The following CATSPERB variants were observed in gnomAD, a reference collection of about 807,000 sequenced individuals.
CATSPERB encodes the protein catsper channel auxiliary subunit beta.
Under a neutral mutation model 128.3 loss-of-function variants are expected in CATSPERB, and 93 were observed. The observed-to-expected ratio is 0.72, with a 90% CI of 0.61 to 0.86. The LOEUF (loss-of-function observed/expected upper bound fraction) is 0.86. CATSPERB is among the 40% of genes least tolerant of loss of function. CATSPERB has a pLI of 0.00. For synonymous variants in CATSPERB, 381 were observed against 448.8 expected (o/e 0.85, Z 1.91); for missense variants, 1,153 against 1,329.5 (o/e 0.87, Z 2.06).
intron 20 of CATSPERB, 87 bp from the exon 21 acceptor site, chr14:91,610,764 C>T: frequency 2.5e-6 from 3 of 1,213,124 alleles, no homozygotes; most frequent in South Asian, 1.4e-5. Context: ...GTTGAAACCC[C>T]AACCTCCAGT....
rs1020716986 is a variant in CATSPERB at position 91,685,652 on chromosome 14, T to C, written c.865-1709A>G. Among the ~76,000 whole-genome samples the C allele has an allele frequency of 2.0e-5, 3 of 152,276 alleles. No individual in the cohort carries two copies. The East Asian group carries it at 5.8e-4, about 29-fold the overall frequency. ...TTGGAGCATGCACAGGAGGAGCACC[T>C]TGGTGGTCAGGGAGGGATTTCTGAA... On this transcript the variant is annotated intron_variant, in intron 10 of 26. Coordinates refer to ENST00000256343, the MANE Select transcript of CATSPERB (RefSeq NM_024764.4).
chr14:91,593,912 CT>C (rs398118515), intron 22 of CATSPERB, among the ~76,000 whole-genome samples: 86 of 14,274 alleles, frequency 6.0e-3, no homozygotes, highest in South Asian at 0.043. Flanking sequence ...ATCATGGGCG[CT>C]GCTGGTCTTT....
chr14:91,729,445 A>T lies in CATSPERB; in HGVS notation c.35T>A (p.Leu12His), dbSNP rs1026423645. The T allele has an allele frequency of 6.5e-7, 1 of 1,537,958 alleles. No individual in the cohort carries two copies. Among genetic ancestry groups the T allele is most frequent in the African/African-American group, 1.4e-5 (1 of 73,024 alleles). Residue 12 changes from leucine (L) to histidine (H), a missense_variant, in exon 2 of 27, where the codon CTT becomes CAT. By Grantham distance (99) the Leu-to-His change is moderately conservative. Transcript: ENST00000256343. Reference sequence around the variant, plus strand: ...TGATGAAAATTCAAATATGTTCAAAAGCAAAACTGAAACATATATAAGTGG... The same window carrying T: ...TGATGAAAATTCAAATATGTTCAAATGCAAAACTGAAACATATATAAGTGG... ...ESPLIYVSVLLLNIFEFSSGI... is the reference protein window; with the variant it reads ...ESPLIYVSVLHLNIFEFSSGI...
intron 14 of CATSPERB, among the ~76,000 whole-genome samples, chr14:91,666,438 G>A (rs1236000252): frequency 6.6e-6 from 1 of 152,152 alleles, no homozygotes; most frequent in Non-Finnish European, 1.5e-5. Context: ...AAACCTTAAA[G>A]CAGGCCCTAG....
At chr14:91,654,585 G>A (rs1743107) in intron 15 of CATSPERB, among the ~76,000 whole-genome samples, 30,681 of 152,050 alleles carry the variant, frequency 0.2, 3,276 homozygotes, top group African/African-American at 0.25. Context: ...CAGCTTAGCC[G>A]CAATAGAATA....
At chr14:91,601,722 C>T (rs1279593078) in intron 22 of CATSPERB, among the ~76,000 whole-genome samples, 1 of 151,806 alleles carries the variant, frequency 6.6e-6, no homozygotes, top group South Asian at 2.1e-4. Context: ...TATGAATTTC[C>T]TTGAAGATCT....
At chr14:91,658,483 A>T (rs1378347148) in intron 15 of CATSPERB, among the ~76,000 whole-genome samples, 1 of 151,802 alleles carries the variant, frequency 6.6e-6, no homozygotes, top group Non-Finnish European at 1.5e-5. Flanking sequence ...ATTTGACAGC[A>T]CAACAGAGTG....
intron 13 of CATSPERB, 38 bp downstream of exon 13, chr14:91,672,829 C>G: frequency 6.9e-7 from 1 of 1,453,806 alleles, no homozygotes; most frequent in Non-Finnish European, 9.1e-7. Context: ...TTATTGTTGT[C>G]ATGTCAAGAT....
At chr14:91,604,628 C>T (rs1398705169) in intron 22 of CATSPERB, 69 of 1,611,396 alleles carry the variant, frequency 4.3e-5, no homozygotes, top group Non-Finnish European at 4.6e-5. Context: ...CTGATTGTTC[C>T]AGGACTGGGT....
At chr14:91,680,421 T>A (rs745353519) in intron 11 of CATSPERB, among the ~76,000 whole-genome samples, 1 of 152,190 alleles carries the variant, frequency 6.6e-6, no homozygotes, top group Non-Finnish European at 1.5e-5. Context: ...AATGCTTGTG[T>A]TTTGTATAAC....
At chr14:91,668,801 G>C (rs1366003252) in intron 14 of CATSPERB, among the ~76,000 whole-genome samples, 1 of 152,116 alleles carries the variant, frequency 6.6e-6, no homozygotes, top group Non-Finnish European at 1.5e-5. Context: ...TGAAGTCAGC[G>C]AGACCACGCA....
chr14:91,608,774 T>TA (rs1183804003), intron 21 of CATSPERB, among the ~76,000 whole-genome samples: 1 of 152,230 alleles, frequency 6.6e-6, no homozygotes, highest in African/African-American at 2.4e-5. Flanking sequence ...AGCAACATTT[T>TA]ATATTTAAAA....
intron 6 of CATSPERB, among the ~76,000 whole-genome samples, chr14:91,704,993 TCTATC>T (rs1180796751): frequency 6.6e-6 from 1 of 152,216 alleles, no homozygotes; most frequent in Non-Finnish European, 1.5e-5. Flanking sequence ...TGCCACAGGA[TCTATC>T]CCTAGAAATG....
In CATSPERB at chr14:91,704,563, G is replaced by C. The variant is rs763211652; in HGVS notation, c.605C>G (p.Thr202Arg). ...AGCTGTAGACCTACCATCAACTATT[G>C]TATCCACAATGAAGCCTAGTAATGC... The part of the protein sequence containing the change: ...DVALLGFIVD[T>R]IVDGVYIGIT... The change falls in exon 7 of 27, where the codon ACA (threonine) becomes AGA (arginine). Residue 202 changes from threonine (T) to arginine (R), a missense_variant. Coordinates refer to ENST00000256343, the MANE Select transcript of CATSPERB (RefSeq NM_024764.4). The C allele has an allele frequency of 1.1e-5, 17 of 1,612,752 alleles. No individual in the cohort carries two copies. Among genetic ancestry groups the C allele is most frequent in the Non-Finnish European group, 4.2e-6 (5 of 1,179,464 alleles).
chr14:91,633,102 A>G (rs1406952166), intron 17 of CATSPERB, among the ~76,000 whole-genome samples: 1 of 152,138 alleles, frequency 6.6e-6, no homozygotes, highest in Admixed American at 6.6e-5. Context: ...TGTTCAACCC[A>G]GTATATACAT....
chr14:91,659,247 A>T (rs967358484), intron 15 of CATSPERB, among the ~76,000 whole-genome samples: 1 of 152,352 alleles, frequency 6.6e-6, no homozygotes, highest in Non-Finnish European at 1.5e-5. Context: ...ATCACTCTAC[A>T]TTATATGTGT....
chr14:91,627,870 T>A (rs1031305403), intron 17 of CATSPERB, among the ~76,000 whole-genome samples: 1 of 151,678 alleles, frequency 6.6e-6, no homozygotes, highest in Non-Finnish European at 1.5e-5. Flanking sequence ...CCCAGCTACA[T>A]GGGAGGCTGA....
In CATSPERB at chr14:91,650,297, A is replaced by T. The variant is rs201751823; in HGVS notation, c.1432+9540T>A. On this transcript the variant is annotated intron_variant, in intron 15 of 26. Coordinates refer to ENST00000256343, the MANE Select transcript of CATSPERB (RefSeq NM_024764.4). ...TTGCTGCTTAAAATGCTTTCAAACA[A>T]AGTTATTGTGTGTGCAGAGAAGAAA... Among the ~76,000 whole-genome samples, 14 of 78,606 alleles carry T rather than the reference A, an allele frequency of 1.8e-4. No individual in the cohort carries two copies. In the Admixed American group the frequency reaches 3.1e-3, roughly 17 times the overall value. 51.6% of individuals were successfully genotyped at this position (78,606 alleles called of 152,430 possible). A position where few individuals can be genotyped will look rare whatever the true frequency, so the allele number is the denominator to read the frequency against.
At chr14:91,683,385 A>C (rs1458507788) in intron 11 of CATSPERB, among the ~76,000 whole-genome samples, 1 of 152,118 alleles carries the variant, frequency 6.6e-6, no homozygotes, top group Non-Finnish European at 1.5e-5. Context: ...GTTGCAACTG[A>C]GTGGCTTAGG....
Sources: gnomAD v4.1 joint callset for allele counts (sites outside exome capture counted in the v4.1 genomes callset) on GRCh38, gnomAD v4.1.1 for gene constraint, MANE v1.5 for transcripts, NCBI Gene and HGNC (gene_info 2026-07-23, HGNC 2026-07-21) for gene names.